Variants in EGFLAM observed in about 807,000 individuals in gnomAD.
EGFLAM encodes EGF like, fibronectin type III and laminin G domains, also known as pikachurin.
Under a neutral mutation model 113.1 loss-of-function variants are expected in EGFLAM, and 79 were observed. The observed-to-expected ratio is 0.70, with a 90% CI of 0.58 to 0.84. The LOEUF is 0.84. EGFLAM is among the 40% of genes least tolerant of loss of function. The pLI is 0.00. For missense variants in EGFLAM, 1,265 were observed against 1,291.6 expected (o/e 0.98, Z 0.32); for synonymous variants, 504 against 487.6 (o/e 1.03, Z -0.44).
chr5:38,324,730 C>T (rs749244460), intron 1 of EGFLAM, among the ~76,000 whole-genome samples: 4 of 152,114 alleles, frequency 2.6e-5, no homozygotes, highest in South Asian at 4.1e-4. Context: ...AAAGGGAAAC[C>T]GTATCTCTTA....
In EGFLAM at chr5:38,374,834, G is replaced by T. The variant is rs1215083483; in HGVS notation, c.712+4372G>T. Among the ~76,000 whole-genome samples, 6 of 152,332 alleles carry T rather than the reference G, an allele frequency of 3.9e-5. No homozygotes were observed. The South Asian group carries it at 1.0e-3, about 26-fold the overall frequency. ...CAGGAATGAATAAAGACAGCTTAAA[G>T]GTTAAAAGCAAGATGGAGTCAGTTA... On this transcript the variant is annotated intron_variant, in intron 6 of 21. Coordinates refer to ENST00000322350, the MANE Select transcript of EGFLAM (RefSeq NM_152403.4).
At chr5:38,263,587 G>A (rs566785027) in intron 1 of EGFLAM, among the ~76,000 whole-genome samples, 131 of 152,286 alleles carry the variant, frequency 8.6e-4, no homozygotes, top group African/African-American at 3.0e-3. Flanking sequence ...CTTCTAGTAT[G>A]TGGCTTGTCT....
At chr5:38,443,895 T>TGAGTAGCTGAGATTACAGGCATGCC (rs1252601007) in intron 17 of EGFLAM, among the ~76,000 whole-genome samples, 2 of 151,722 alleles carry the variant, frequency 1.3e-5, no homozygotes, top group Non-Finnish European at 2.9e-5. Context: ...CTCAGCCTCA[T>TGAGTAGCTGAGATTACAGGCATGCC]GAGTAGCTGA....
intron 6 of EGFLAM, chr5:38,403,968 G>A: frequency 1.2e-6 from 2 of 1,611,128 alleles, no homozygotes; most frequent in Admixed American, 3.3e-5. Context: ...GAATTGGTGT[G>A]GAAGGGATGA....
intron 3 of EGFLAM, among the ~76,000 whole-genome samples, chr5:38,348,799 G>A (rs1739541301): frequency 6.6e-6 from 1 of 152,070 alleles, no homozygotes; most frequent in South Asian, 2.1e-4. Context: ...GATCTAGGGG[G>A]ATCAGGACAA....
chr5:38,462,827 T>C, intron 20 of EGFLAM, 81 bp from the exon 21 acceptor site: 1 of 1,450,492 alleles, frequency 6.9e-7, no homozygotes, highest in Non-Finnish European at 9.6e-7. Context: ...CTTTAATACA[T>C]TTGTATTGAA....
At chr5:38,433,194 G>T (rs930314126) in intron 15 of EGFLAM, among the ~76,000 whole-genome samples, 2 of 152,184 alleles carry the variant, frequency 1.3e-5, no homozygotes, top group Non-Finnish European at 2.9e-5. Context: ...GTAGGGCAGG[G>T]GTTAGAGTAC....
intron 10 of EGFLAM, among the ~76,000 whole-genome samples, chr5:38,409,400 G>GCTGCAGGTGCTGTTGAATGTACCTGGCA (rs1561075208): frequency 1.3e-5 from 2 of 152,142 alleles, no homozygotes; most frequent in African/African-American, 4.8e-5. Context: ...CATACCTGAT[G>GCTGCAGGTGCTGTTGAATGTACCTGGCA]CTGCAGGTGC....
intron 1 of EGFLAM, among the ~76,000 whole-genome samples, chr5:38,282,755 A>G (rs1450428907): frequency 6.6e-6 from 1 of 152,244 alleles, no homozygotes; most frequent in East Asian, 1.9e-4. Context: ...CACTGTATAT[A>G]TCATGGGAAG....
intron 1 of EGFLAM, among the ~76,000 whole-genome samples, chr5:38,298,032 A>G (rs1297726232): frequency 6.6e-6 from 1 of 152,168 alleles, no homozygotes; most frequent in African/African-American, 2.4e-5. Flanking sequence ...TCCTGGGAAG[A>G]GCGGCTTGGA....
At chr5:38,364,525 C>T (rs992671478) in intron 5 of EGFLAM, among the ~76,000 whole-genome samples, 38 of 151,984 alleles carry the variant, frequency 2.5e-4, no homozygotes, top group African/African-American at 7.7e-4. Context: ...AGAGATGGGT[C>T]GGTGAGGGTC....
intron 20 of EGFLAM, among the ~76,000 whole-genome samples, chr5:38,461,510 AT>A (rs1278229555): frequency 3.9e-5 from 6 of 151,936 alleles, no homozygotes; most frequent in African/African-American, 1.5e-4. Context: ...TTTTAGAGTA[AT>A]TAATTTTTTT....
intron 1 of EGFLAM, among the ~76,000 whole-genome samples, chr5:38,259,116 G>T (rs1339080057): frequency 6.6e-6 from 1 of 152,252 alleles, no homozygotes; most frequent in Non-Finnish European, 1.5e-5. Flanking sequence ...TTTGACCGCA[G>T]AGAGCTGACA....
chr5:38,322,001 C>T (rs959147433), intron 1 of EGFLAM, among the ~76,000 whole-genome samples: 23 of 152,218 alleles, frequency 1.5e-4, no homozygotes, highest in Non-Finnish European at 3.4e-4. Flanking sequence ...ATTCCAATTT[C>T]TCAGACTCCT....
chr5:38,426,592 G>A (rs182411019), intron 13 of EGFLAM, among the ~76,000 whole-genome samples: 22 of 152,270 alleles, frequency 1.4e-4, no homozygotes, highest in African/African-American at 5.3e-4. Flanking sequence ...TATTTCAGTA[G>A]CCTTACATAA....
intron 18 of EGFLAM, among the ~76,000 whole-genome samples, chr5:38,449,422 T>A (rs1252368528): frequency 1.3e-5 from 2 of 152,088 alleles, no homozygotes; most frequent in African/African-American, 4.8e-5. Flanking sequence ...GGGACTTAGG[T>A]AAAATGGATT....
intron 6 of EGFLAM, among the ~76,000 whole-genome samples, chr5:38,377,127 CTT>C (rs35290896): frequency 6.8e-6 from 1 of 147,384 alleles, no homozygotes; most frequent in African/African-American, 2.5e-5. Flanking sequence ...GTTGTGTTCT[CTT>C]TTTTTTTTTT....
intron 6 of EGFLAM, among the ~76,000 whole-genome samples, chr5:38,373,356 C>T (rs958957208): frequency 9.2e-5 from 14 of 152,152 alleles, no homozygotes; most frequent in African/African-American, 3.4e-4. Context: ...TACCCATCAC[C>T]CAAATAGTGA....
At chr5:38,337,294 G>A (rs1001449359) in intron 1 of EGFLAM, among the ~76,000 whole-genome samples, 4 of 152,148 alleles carry the variant, frequency 2.6e-5, no homozygotes, top group African/African-American at 9.7e-5. Flanking sequence ...AGAGAATAAG[G>A]GCAATAGTTG....
Sources: allele counts gnomAD v4.1 joint callset (sites outside exome capture counted in the v4.1 genomes callset), GRCh38; gene constraint gnomAD v4.1.1; transcripts MANE v1.5; gene names NCBI Gene and HGNC (gene_info 2026-07-23, HGNC 2026-07-21).